The following HNRNPUL1 variants were observed in gnomAD, a reference collection of about 807,000 sequenced individuals.
HNRNPUL1 encodes heterogeneous nuclear ribonucleoprotein U like 1.
Under a neutral mutation model 108.5 loss-of-function variants are expected in HNRNPUL1, and 14 were observed. The ratio of observed to expected loss-of-function variants is 0.13; its 90% CI spans 0.09 to 0.20. The LOEUF is 0.20. Among genes scored for constraint, HNRNPUL1 ranks in the 10% least tolerant of loss-of-function variants. The pLI is 1.00. For missense variants in HNRNPUL1, 804 were observed against 1,168.3 expected (o/e 0.69, Z 4.55); for synonymous variants, 422 against 445.2 (o/e 0.95, Z 0.66).
At chr19:41,282,684 C>T (rs1434798461) in intron 7 of HNRNPUL1, among the ~76,000 whole-genome samples, 1 of 150,270 alleles carries the variant, frequency 6.7e-6, no homozygotes, top group Non-Finnish European at 1.5e-5. Context: ...ATATTTTTTT[C>T]TTTTTTTCTT....
Position 41,292,583 on chromosome 19 carries a change from C to A in HNRNPUL1, c.1266+72C>A. The A allele has an allele frequency of 7.0e-7, 1 of 1,422,874 alleles. No homozygotes were observed. Among genetic ancestry groups the A allele is most frequent in the Non-Finnish European group, 9.7e-7 (1 of 1,034,778 alleles). The allele number at this position is 1,422,874 out of a possible 1,614,324, so 88.1% of individuals were successfully genotyped here. A position where few individuals can be genotyped will look rare whatever the true frequency, so the allele number is the denominator to read the frequency against. ...GAGGAGACACACACACACACACACA[C>A]ACAGACTTGCTGCGAGAGTAGCCTT... On this transcript the variant is annotated intron_variant, in intron 8 of 14. Transcript: ENST00000392006. The surrounding 1 kb of genome is among the most constrained non-coding windows in gnomAD (Gnocchi z 4.1).
intron 11 of HNRNPUL1, chr19:41,302,280 G>A (rs1599853514): frequency 3.5e-6 from 1 of 283,274 alleles, no homozygotes; most frequent in African/African-American, 2.4e-5. Context: ...GTATAGTGGT[G>A]CGATCTTGGC....
At chr19:41,265,216 TG>T (rs1357523440) in intron 1 of HNRNPUL1, 16 of 1,503,224 alleles carry the variant, frequency 1.1e-5, no homozygotes, top group South Asian at 9.9e-5. Flanking sequence ...GCGTGTGGGC[TG>T]GGGGGTGGGG....
chr19:41,272,026 G>A (rs1280710740), intron 2 of HNRNPUL1, 56 bp from the exon 3 acceptor site: 3 of 1,586,806 alleles, frequency 1.9e-6, no homozygotes, highest in Non-Finnish European at 2.6e-6. Flanking sequence ...GACCAGAAAA[G>A]TGATAGCTGG....
At chr19:41,269,417 C>T (rs2035069193) in intron 2 of HNRNPUL1, among the ~76,000 whole-genome samples, 1 of 140,334 alleles carries the variant, frequency 7.1e-6, no homozygotes. Context: ...GAGTTTGAGG[C>T]TGCTGTGAGC....
At chr19:41,276,484 C>T in intron 5 of HNRNPUL1, 186 bp downstream of exon 5, 1 of 568,116 alleles carries the variant, frequency 1.8e-6, no homozygotes, top group Non-Finnish European at 2.9e-6. Flanking sequence ...ATCAGAAAAG[C>T]AGGCCAACCA....
At chr19:41,265,372 C>A in intron 1 of HNRNPUL1, 1 of 1,518,446 alleles carries the variant, frequency 6.6e-7, no homozygotes, top group Non-Finnish European at 8.8e-7. Context: ...GAGGTGGAGG[C>A]GCTGGTGTCT....
intron 1 of HNRNPUL1, 117 bp downstream of exon 1, chr19:41,264,915 C>G: frequency 4.5e-6 from 6 of 1,338,168 alleles, no homozygotes; most frequent in Non-Finnish European, 5.7e-6. Flanking sequence ...CGGGGGATCC[C>G]GCTACCCGCC....
rs573383469 is a variant in HNRNPUL1, at chr19:41,302,345, A to G, written c.1688-320A>G. On this transcript the variant is annotated intron_variant, in intron 11 of 14. Transcript: ENST00000392006. ...CCAGTTCTCCTGCCTCAGCCTCCCG[A>G]GTAGCTGGGACTACAGGTGTCCACC... 36 of 371,432 alleles carry G rather than the reference A, an allele frequency of 9.7e-5. No individual in the cohort carries two copies. The East Asian group carries it at 2.4e-3, about 25-fold the overall frequency. 23.0% of individuals were successfully genotyped at this position (371,432 alleles called of 1,614,324 possible).
chr19:41,287,560 C>CTTTTTG (rs763270463), intron 7 of HNRNPUL1, among the ~76,000 whole-genome samples: 1 of 151,840 alleles, frequency 6.6e-6, no homozygotes, highest in Non-Finnish European at 1.5e-5. Context: ...ATCTCAGTAT[C>CTTTTTG]TTTTTGTTTT....
chr19:41,265,191 G>T, intron 1 of HNRNPUL1: 1 of 1,479,458 alleles, frequency 6.8e-7, no homozygotes, highest in Admixed American at 2.3e-5. Flanking sequence ...TGGGCTTGGC[G>T]GTCGTGCTAG....
At chr19:41,301,488 C>T (rs370446997) in intron 10 of HNRNPUL1, 48 bp from the exon 11 acceptor site, 71 of 1,546,736 alleles carry the variant, frequency 4.6e-5, no homozygotes, top group Non-Finnish European at 6.0e-5. Context: ...AGGAAAAAAC[C>T]AACTCTTAAT....
At chr19:41,270,468 AT>A (rs937426460) in intron 2 of HNRNPUL1, among the ~76,000 whole-genome samples, 4 of 149,444 alleles carry the variant, frequency 2.7e-5, no homozygotes, top group African/African-American at 5.1e-5. Context: ...TGCTGAAAAT[AT>A]TTTTTTTAAT....
intron 11 of HNRNPUL1, 183 bp from the exon 12 acceptor site, chr19:41,302,482 G>C (rs1385801774): frequency 1.3e-6 from 1 of 758,136 alleles, no homozygotes. Context: ...GCCTCCCAAA[G>C]TGCTGGGATT....
rs769742159 is a variant in HNRNPUL1 at position 41,302,580 on chromosome 19, C to A, written c.1688-85C>A. ...TCTTCACCTTCTCCCTTCTGGAAGG[C>A]CACTCTTCTGGGTGGAGGGGACCAG... On this transcript the variant is annotated intron_variant, in intron 11 of 14. Transcript: ENST00000392006. 9 of 1,524,578 alleles carry A rather than the reference C, an allele frequency of 5.9e-6. No homozygotes were observed. In the South Asian group the frequency reaches 9.0e-5, roughly 15 times the overall value. The allele number at this position is 1,524,578 out of a possible 1,614,324, so 94.4% of individuals were successfully genotyped here.
chr19:41,288,227 A>G (rs1011218844), intron 7 of HNRNPUL1, among the ~76,000 whole-genome samples: 1 of 105,130 alleles, frequency 9.5e-6, no homozygotes, highest in Non-Finnish European at 1.9e-5. Context: ...TTTAACTTGT[A>G]TGTCTTGGGG....
chr19:41,289,968 C>T (rs552816267), intron 7 of HNRNPUL1, among the ~76,000 whole-genome samples: 4 of 151,900 alleles, frequency 2.6e-5, no homozygotes, highest in Non-Finnish European at 5.9e-5. Flanking sequence ...ACCTCGGCCT[C>T]CCAAAATGCT....
chr19:41,286,278 A>G (rs1305611700), intron 7 of HNRNPUL1: 1 of 152,120 alleles, frequency 6.6e-6, no homozygotes, highest in African/African-American at 2.4e-5. Flanking sequence ...TATTGAATGA[A>G]AAAAGTACAC....
chr19:41,263,647 G>A (rs1450363333), upstream of HNRNPUL1, among the ~76,000 whole-genome samples: 1 of 152,226 alleles, frequency 6.6e-6, no homozygotes, highest in Admixed American at 6.5e-5. Flanking sequence ...GTTCCTTCCA[G>A]ATTACGAACT....
Sources: gnomAD v4.1 joint callset for allele counts (sites outside exome capture counted in the v4.1 genomes callset) on GRCh38, gnomAD v4.1.1 for gene constraint, Gnocchi (gnomAD v3.1) non-coding constraint, MANE v1.5 for transcripts, NCBI Gene and HGNC (gene_info 2026-07-23, HGNC 2026-07-21) for gene names.